The following MANBA variants were observed in gnomAD, a reference collection of about 807,000 sequenced individuals.
MANBA encodes mannosidase beta.
MANBA carries 83 observed loss-of-function variants against 111.1 expected under a neutral mutation model. The observed-to-expected ratio is 0.75, with a 90% CI of 0.63 to 0.90. MANBA has a LOEUF of 0.90. Ranked by LOEUF, MANBA falls within the 40% of genes least tolerant of loss-of-function variation. The pLI, the probability that MANBA is intolerant of heterozygous loss-of-function variation, is 0.00. For synonymous variants in MANBA, 370 were observed against 378.7 expected, an observed-to-expected ratio of 0.98 and a Z score of 0.27; for missense variants, 1,036 against 1,069.0, an observed-to-expected ratio of 0.97 and a Z score of 0.43.
rs1722962812 is a variant in MANBA at position 102,729,843 on chromosome 4, C to G, written c.178-3160G>C. The G allele has an allele frequency of 4.4e-6, 6 of 1,375,150 alleles. No individual in the cohort carries two copies. In the Admixed American group the frequency reaches 5.0e-5, roughly 12 times the overall value. 85.2% of individuals were successfully genotyped at this position (1,375,150 alleles called of 1,614,324 possible). Reference sequence around the variant, plus strand: ...CATCTTGTTCTACTGCTCCAGGAACCATACCTTGTCTATGAAGGAGGCAAA... The same window carrying G: ...CATCTTGTTCTACTGCTCCAGGAACGATACCTTGTCTATGAAGGAGGCAAA... On this transcript the variant is annotated intron_variant, in intron 1 of 16. Transcript: ENST00000647097.
At chr4:102,736,088 A>C (rs1045398576) in intron 1 of MANBA, among the ~76,000 whole-genome samples, 3 of 152,206 alleles carry the variant, frequency 2.0e-5, no homozygotes, top group Admixed American at 6.5e-5. Flanking sequence ...AGGTACTATT[A>C]TCATACCCAT....
chr4:102,657,228 G>GGGT (rs1730600404), intron 12 of MANBA, among the ~76,000 whole-genome samples: 1 of 120,698 alleles, frequency 8.3e-6, no homozygotes, highest in Non-Finnish European at 1.7e-5. Context: ...GGGGTGGGGG[G>GGGT]GGGGTGGGCG....
At chr4:102,654,211 A>G (rs1578872703) in intron 12 of MANBA, among the ~76,000 whole-genome samples, 1 of 152,212 alleles carries the variant, frequency 6.6e-6, no homozygotes, top group East Asian at 1.9e-4. Flanking sequence ...CCCATTCTCA[A>G]CACTTGTTCC....
At chr4:102,670,154 CAAAAAA>C (rs70937560) in intron 9 of MANBA, among the ~76,000 whole-genome samples, 4 of 107,940 alleles carry the variant, frequency 3.7e-5, no homozygotes, top group African/African-American at 1.7e-4. Flanking sequence ...GACTCCATAT[CAAAAAA>C]AAAAAAAAAA....
At chr4:102,734,043 T>C (rs951344304) in intron 1 of MANBA, among the ~76,000 whole-genome samples, 2 of 152,270 alleles carry the variant, frequency 1.3e-5, no homozygotes, top group African/African-American at 4.8e-5. Context: ...CAAGTCATTA[T>C]ACATTTGTCC....
In MANBA at chr4:102,681,927, C is replaced by T. The variant is rs149905551; in HGVS notation, c.960+7647G>A. 4.7e-3 allele frequency among the ~76,000 whole-genome samples: 718 copies of T among 152,102 alleles called. 6 individuals carry two copies. The highest frequency in any genetic ancestry group is 0.017 in the African/African-American group (693 of 41,474). ...TTGGGAGGCAGAAGCGGGTGGATCACCTGAGGTCGGGAGTTTGAGACTAGC... is the reference window on the plus strand; with the variant it reads ...TTGGGAGGCAGAAGCGGGTGGATCATCTGAGGTCGGGAGTTTGAGACTAGC... On this transcript the variant is annotated intron_variant, in intron 7 of 16. Coordinates refer to ENST00000647097, the MANE Select transcript of MANBA (RefSeq NM_005908.4).
intron 1 of MANBA, among the ~76,000 whole-genome samples, chr4:102,750,567 C>T (rs1370972837): frequency 6.6e-6 from 1 of 152,118 alleles, no homozygotes. Flanking sequence ...CTTTTAAAGA[C>T]CCATACTGAA....
intron 12 of MANBA, 40 bp from the exon 13 acceptor site, chr4:102,650,741 G>A (rs1424876307): frequency 2.0e-6 from 3 of 1,529,824 alleles, no homozygotes; most frequent in East Asian, 4.5e-5. Context: ...CTGAAAGTTG[G>A]CAGTAAAACT....
chr4:102,690,596 C>G lies in MANBA; in HGVS notation c.849G>C (p.Lys283Asn), dbSNP rs1366195002. ...RIVELFVNISKNITVETWWPH... is the reference protein window; with the variant it reads ...RIVELFVNISNNITVETWWPH... ...CTTCTCAGGAAGTACCATCATTTACCTTGCTAATGTTCACAAATAGCTCAA... is the reference window on the plus strand; with the variant it reads ...CTTCTCAGGAAGTACCATCATTTACGTTGCTAATGTTCACAAATAGCTCAA... The change falls in exon 6 of 17, where the codon AAG becomes AAC. Residue 283 changes from lysine (K) to asparagine (N), a missense_variant and splice_region_variant. Coordinates refer to ENST00000647097, the MANE Select transcript of MANBA (RefSeq NM_005908.4). 1 of 1,609,814 alleles carries G rather than the reference C, an allele frequency of 6.2e-7. No individual in the cohort carries two copies. Among genetic ancestry groups the G allele is most frequent in the South Asian group, 1.1e-5 (1 of 90,988 alleles).
At chr4:102,649,309 A>C (rs369571482) in intron 13 of MANBA, among the ~76,000 whole-genome samples, 7 of 152,218 alleles carry the variant, frequency 4.6e-5, no homozygotes, top group Non-Finnish European at 7.3e-5. Flanking sequence ...GCAAACATTT[A>C]GCTTAGGTAG....
chr4:102,707,263 A>G (rs1361928011), intron 5 of MANBA, among the ~76,000 whole-genome samples: 1 of 152,202 alleles, frequency 6.6e-6, no homozygotes, highest in African/African-American at 2.4e-5. Flanking sequence ...ACAGGCCAGG[A>G]AAAAATGGAA....
chr4:102,639,914 T>G (rs1729806669), intron 13 of MANBA, 57 bp from the exon 14 acceptor site: 1 of 1,591,166 alleles, frequency 6.3e-7, no homozygotes, highest in Non-Finnish European at 8.6e-7. Flanking sequence ...ACTGCCTAGA[T>G]CTGAGAAAAA....
At chr4:102,671,843 C>G (rs931212329) in intron 8 of MANBA, 1 of 428,014 alleles carries the variant, frequency 2.3e-6, no homozygotes, top group Non-Finnish European at 4.1e-6. Flanking sequence ...TTCCTTTCTA[C>G]TTTTTCCAAT....
intron 1 of MANBA, chr4:102,734,423 A>G: frequency 1.2e-6 from 2 of 1,608,968 alleles, no homozygotes; most frequent in East Asian, 2.2e-5. Context: ...AGAACCTGCT[A>G]TGGTACGGAC....
At chr4:102,686,054 G>A (rs1732196978) in intron 7 of MANBA, among the ~76,000 whole-genome samples, 1 of 152,154 alleles carries the variant, frequency 6.6e-6, no homozygotes, top group Non-Finnish European at 1.5e-5. Flanking sequence ...TTTCTCCAAA[G>A]AGCCCTGATT....
At position 102,737,543 on chromosome 4, in the gene MANBA, C is replaced by T. The variant is rs1723259966; in HGVS notation, c.178-10860G>A. Among the ~76,000 whole-genome samples the T allele has an allele frequency of 2.0e-5, 3 of 151,870 alleles. 1 individual carries two copies. The South Asian group carries it at 6.2e-4, about 32-fold the overall frequency. On this transcript the variant is annotated intron_variant, in intron 1 of 16. Coordinates refer to ENST00000647097, the MANE Select transcript of MANBA (RefSeq NM_005908.4). ...TGTCACCCAGACTGGAGTGCAGTGG[C>T]ACGATCTCTGCTCACTGCAAGCTCC... is the stretch of plus-strand genomic sequence containing the variant.
chr4:102,758,427 G>A (rs1359512387), intron 1 of MANBA, among the ~76,000 whole-genome samples: 3 of 152,086 alleles, frequency 2.0e-5, no homozygotes, highest in Admixed American at 6.5e-5. Flanking sequence ...TACTATAAAC[G>A]GTAGAATATT....
At position 102,690,653 on chromosome 4, in the gene MANBA, G is replaced by A. The variant is rs141619070; in HGVS notation, c.792C>T (p.Tyr264=). ...AIPKLQTQQT[Y]SIELQPGKRI... ...TTTTCCCAGGTTGAAGTTCAATGCT[G>A]TATGTCTGTTGTGTTTGCAACTTAG... The change falls in exon 6 of 17, where the codon TAC becomes TAT. Residue 264 remains tyrosine, a synonymous_variant. Coordinates refer to ENST00000647097, the MANE Select transcript of MANBA (RefSeq NM_005908.4). The A allele has an allele frequency of 7.8e-5, 126 of 1,612,516 alleles. No homozygotes were observed. The African/African-American group carries it at 1.0e-3, about 13-fold the overall frequency.
intron 1 of MANBA, among the ~76,000 whole-genome samples, chr4:102,746,214 T>A (rs1421369920): frequency 1.3e-5 from 2 of 152,142 alleles, no homozygotes; most frequent in Non-Finnish European, 2.9e-5. Context: ...CCACCACACA[T>A]CCCCATTCCA....
Sources: allele counts gnomAD v4.1 joint callset (sites outside exome capture counted in the v4.1 genomes callset), GRCh38; gene constraint gnomAD v4.1.1; transcripts MANE v1.5; gene names NCBI Gene and HGNC (gene_info 2026-07-23, HGNC 2026-07-21).